ARMH3: variants seen among roughly 807,000 people sequenced by gnomAD.
The protein encoded by ARMH3 is armadillo like helical domain containing 3.
A neutral mutation model predicts 99.1 loss-of-function variants in ARMH3; 60 were observed. That is an observed-to-expected ratio of 0.61 (90% CI 0.49 to 0.75). The LOEUF (loss-of-function observed/expected upper bound fraction) is 0.75. ARMH3 is among the 30% of genes least tolerant of loss of function. ARMH3 has a pLI of 0.00. For synonymous variants in ARMH3, 285 were observed against 292.8 expected, an observed-to-expected ratio of 0.97 and a Z score of 0.27; for missense variants, 679 against 843.1, an observed-to-expected ratio of 0.81 and a Z score of 2.41.
At chr10:101,908,412 T>G (rs1281841252) in intron 23 of ARMH3, among the ~76,000 whole-genome samples, 1 of 152,238 alleles carries the variant, frequency 6.6e-6, no homozygotes, top group Non-Finnish European at 1.5e-5. Context: ...TGAGCACTAC[T>G]AACATTTGGG....
chr10:101,966,296 T>G (rs12357555), intron 20 of ARMH3, among the ~76,000 whole-genome samples: 39,619 of 111,106 alleles, frequency 0.36, 7,872 homozygotes, highest in East Asian at 0.51. Context: ...TTTTTTTTTT[T>G]TTTTTTTTTT....
chr10:102,006,249 G>A (rs2066484842), intron 14 of ARMH3, among the ~76,000 whole-genome samples: 1 of 152,254 alleles, frequency 6.6e-6, no homozygotes, highest in African/African-American at 2.4e-5. Flanking sequence ...CTCTGAGAGT[G>A]TGGCAGGACA....
intron 19 of ARMH3, among the ~76,000 whole-genome samples, chr10:101,977,597 G>C (rs949208970): frequency 2.0e-5 from 3 of 152,216 alleles, no homozygotes; most frequent in African/African-American, 7.2e-5. Flanking sequence ...TCTAACTCAT[G>C]TTGAAACGTA....
chr10:101,908,603 T>C (rs1050829283), intron 23 of ARMH3, among the ~76,000 whole-genome samples: 1 of 152,128 alleles, frequency 6.6e-6, no homozygotes, highest in Non-Finnish European at 1.5e-5. Context: ...ACAGTTATGA[T>C]TACATAAATC....
chr10:102,005,469 A>G (rs765857769), intron 14 of ARMH3, among the ~76,000 whole-genome samples: 7 of 152,010 alleles, frequency 4.6e-5, no homozygotes, highest in African/African-American at 7.2e-5. Flanking sequence ...ATAACTAACA[A>G]TGGCACCTCC....
intron 20 of ARMH3, among the ~76,000 whole-genome samples, chr10:101,968,292 A>T (rs1162049586): frequency 1.3e-5 from 2 of 152,008 alleles, no homozygotes; most frequent in Non-Finnish European, 2.9e-5. Context: ...CCGTTTCCTA[A>T]AGGAGTGATA....
chr10:102,036,318 G>A (rs1433611187), intron 2 of ARMH3, among the ~76,000 whole-genome samples: 4 of 146,524 alleles, frequency 2.7e-5, no homozygotes, highest in East Asian at 2.0e-4. Context: ...CTGCCCGGCC[G>A]CCCCTTCTGG....
intron 22 of ARMH3, 105 bp downstream of exon 22, chr10:101,956,492 C>T: frequency 7.0e-7 from 1 of 1,419,536 alleles, no homozygotes; most frequent in Non-Finnish European, 9.6e-7. Context: ...CTGTGCCACA[C>T]AGGGCACCAA....
intron 22 of ARMH3, among the ~76,000 whole-genome samples, chr10:101,953,065 G>A (rs1844865336): frequency 6.6e-6 from 1 of 152,156 alleles, no homozygotes; most frequent in Non-Finnish European, 1.5e-5. Flanking sequence ...TCTGTCAATG[G>A]ACATTTGAGT....
chr10:102,024,939 T>C (rs2066968150), intron 6 of ARMH3, among the ~76,000 whole-genome samples: 1 of 151,406 alleles, frequency 6.6e-6, no homozygotes, highest in Non-Finnish European at 1.5e-5. Flanking sequence ...TAAAGTAAAA[T>C]ATCACATAGC....
At chr10:102,052,763 C>A (rs1387372730) in intron 1 of ARMH3, among the ~76,000 whole-genome samples, 1 of 151,566 alleles carries the variant, frequency 6.6e-6, no homozygotes, top group Non-Finnish European at 1.5e-5. Context: ...TTTTTTTTCC[C>A]CAAGACTTTT....
chr10:101,900,675 G>A (rs899420217), intron 23 of ARMH3, among the ~76,000 whole-genome samples: 8 of 152,028 alleles, frequency 5.3e-5, no homozygotes, highest in Admixed American at 2.0e-4. Context: ...TTCTTTTCCC[G>A]TCACTTCAAA....
intron 24 of ARMH3, among the ~76,000 whole-genome samples, chr10:101,885,804 AG>A (rs1429995786): frequency 6.6e-6 from 1 of 152,258 alleles, no homozygotes; most frequent in Non-Finnish European, 1.5e-5. Flanking sequence ...CTGTAATCCC[AG>A]CACTTTGGGA....
intron 20 of ARMH3, among the ~76,000 whole-genome samples, chr10:101,972,982 CCTT>C (rs1217247828): frequency 5.3e-5 from 8 of 152,108 alleles, no homozygotes; most frequent in Non-Finnish European, 7.4e-5. Flanking sequence ...TAAAGAATGG[CCTT>C]CTTCTTCACC....
At chr10:101,959,426 G>A (rs1236655607) in intron 20 of ARMH3, among the ~76,000 whole-genome samples, 1 of 152,176 alleles carries the variant, frequency 6.6e-6, no homozygotes, top group Non-Finnish European at 1.5e-5. Context: ...AAAGGGATGG[G>A]CAGCACGCTT....
At chr10:101,909,742 G>A (rs894837138) in intron 23 of ARMH3, among the ~76,000 whole-genome samples, 1 of 151,952 alleles carries the variant, frequency 6.6e-6, no homozygotes, top group African/African-American at 2.4e-5. Flanking sequence ...TTACAGGAGT[G>A]AGCCACTATG....
At chr10:101,901,663 A>G (rs7077838) in intron 23 of ARMH3, among the ~76,000 whole-genome samples, 152,169 of 152,280 alleles carry the variant, frequency 1, 76,029 homozygotes, top group East Asian at 1. Context: ...ATGGCTTCCT[A>G]TAAGAAGCCT....
At chr10:101,930,650 G>A (rs1843686208) in intron 23 of ARMH3, among the ~76,000 whole-genome samples, 1 of 152,140 alleles carries the variant, frequency 6.6e-6, no homozygotes, top group Admixed American at 6.5e-5. Context: ...ATGATGCAAA[G>A]GCTCAGGCTG....
chr10:102,047,060 T>C (rs1323233793), intron 1 of ARMH3, among the ~76,000 whole-genome samples: 3 of 152,208 alleles, frequency 2.0e-5, no homozygotes, highest in Non-Finnish European at 2.9e-5. Flanking sequence ...TTCACAGGAA[T>C]GGCAGAAAAC....
Sources: gnomAD v4.1 joint callset for allele counts (sites outside exome capture counted in the v4.1 genomes callset) on GRCh38, gnomAD v4.1.1 for gene constraint, MANE v1.5 for transcripts, NCBI Gene and HGNC (gene_info 2026-07-23, HGNC 2026-07-21) for gene names.